The following RTN4RL1 variants were observed in gnomAD, a reference collection of about 807,000 sequenced individuals.
RTN4RL1 encodes reticulon-4 receptor-like 1.
In RTN4RL1, 7 loss-of-function variants were observed where a neutral mutation model predicts 25.6. That is an observed-to-expected ratio of 0.27 (90% CI 0.16 to 0.51). The LOEUF (loss-of-function observed/expected upper bound fraction) is 0.51, where lower values mean the gene tolerates loss of function less well. RTN4RL1 is among the 20% of genes least tolerant of loss of function. The probability of loss-of-function intolerance (pLI) is 0.97; values close to 1 mark genes in which losing one functional copy is unlikely to be tolerated. For synonymous variants in RTN4RL1, 297 were observed against 288.2 expected (o/e 1.03, Z -0.31); for missense variants, 500 against 615.6 (o/e 0.81, Z 1.99).
chr17:1,976,026 C>G (rs1219053045), intron 1 of RTN4RL1, among the ~76,000 whole-genome samples: 1 of 152,202 alleles, frequency 6.6e-6, no homozygotes, highest in Admixed American at 6.5e-5. Context: ...AGCACTCACT[C>G]AAAATGCCTT....
At chr17:1,960,774 T>G (rs563726757) in intron 1 of RTN4RL1, among the ~76,000 whole-genome samples, 1 of 152,214 alleles carries the variant, frequency 6.6e-6, no homozygotes, top group South Asian at 2.1e-4. Flanking sequence ...ATTGGCCTCT[T>G]CTGGATATTT....
At chr17:1,992,969 G>A (rs925754814) in intron 1 of RTN4RL1, among the ~76,000 whole-genome samples, 1 of 152,138 alleles carries the variant, frequency 6.6e-6, no homozygotes, top group Admixed American at 6.5e-5. Flanking sequence ...AGGGCCGGGC[G>A]CGGTGGCTCC....
chr17:1,980,372 GAT>G (rs1195671795), intron 1 of RTN4RL1, among the ~76,000 whole-genome samples: 1 of 151,812 alleles, frequency 6.6e-6, no homozygotes, highest in East Asian at 1.9e-4. Context: ...TGCCTGGCCT[GAT>G]ATGTTTTCTT....
intron 1 of RTN4RL1, among the ~76,000 whole-genome samples, chr17:1,963,857 G>C (rs144918291): frequency 1.3e-5 from 2 of 152,096 alleles, no homozygotes; most frequent in Non-Finnish European, 2.9e-5. Context: ...TCAGGCTCCC[G>C]AGTAGCTGGG....
intron 1 of RTN4RL1, among the ~76,000 whole-genome samples, chr17:1,995,898 C>T (rs965348682): frequency 7.9e-5 from 12 of 152,344 alleles, no homozygotes; most frequent in East Asian, 1.9e-4. Flanking sequence ...GCAGAGCCAG[C>T]GTCTCCCCTG....
At chr17:1,963,205 C>G (rs2066773846) in intron 1 of RTN4RL1, among the ~76,000 whole-genome samples, 1 of 152,172 alleles carries the variant, frequency 6.6e-6, no homozygotes, top group Non-Finnish European at 1.5e-5. Context: ...ATTGGCCCTC[C>G]CCAGCCTCAT....
intron 1 of RTN4RL1, among the ~76,000 whole-genome samples, chr17:1,976,128 G>A (rs901409384): frequency 6.6e-6 from 1 of 152,210 alleles, no homozygotes; most frequent in Non-Finnish European, 1.5e-5. Flanking sequence ...AGTGAGAAAG[G>A]CAGTCACTCA....
intron 1 of RTN4RL1, among the ~76,000 whole-genome samples, chr17:1,955,748 G>A (rs906491538): frequency 2.0e-5 from 3 of 151,332 alleles, no homozygotes; most frequent in African/African-American, 4.8e-5. Flanking sequence ...CATGCCCGGC[G>A]AATTTTTGTA....
chr17:1,954,639 C>T (rs912560360), intron 1 of RTN4RL1, among the ~76,000 whole-genome samples: 6 of 152,064 alleles, frequency 3.9e-5, no homozygotes, highest in Admixed American at 6.6e-5. Context: ...CCACCCGCCT[C>T]GGCCTCCCAA....
At chr17:1,947,751 G>GTC (rs1007297612) in intron 1 of RTN4RL1, among the ~76,000 whole-genome samples, 1 of 152,102 alleles carries the variant, frequency 6.6e-6, no homozygotes, top group African/African-American at 2.4e-5. Flanking sequence ...TGCTGTGAAG[G>GTC]TCTCGCATGG....
chr17:1,973,996 G>A (rs9911491), intron 1 of RTN4RL1, among the ~76,000 whole-genome samples: 14,491 of 135,732 alleles, frequency 0.11, 968 homozygotes, highest in African/African-American at 0.19. Flanking sequence ...CCGAGATTGC[G>A]CCACTGCACT....
chr17:2,003,330 C>T (rs149940480), intron 1 of RTN4RL1: 2,613 of 152,168 alleles, frequency 0.017, 27 homozygotes, highest in Non-Finnish European at 0.028. Flanking sequence ...GAGGGATCTA[C>T]GGTGAGGAGA....
chr17:1,995,771 C>A (rs897984150), intron 1 of RTN4RL1: 2 of 152,282 alleles, frequency 1.3e-5, no homozygotes, highest in African/African-American at 2.4e-5. Flanking sequence ...GTCTAATGTG[C>A]AACTGGTGAG....
intron 1 of RTN4RL1, among the ~76,000 whole-genome samples, chr17:1,962,970 C>T (rs1173500194): frequency 2.0e-5 from 3 of 151,478 alleles, no homozygotes; most frequent in Non-Finnish European, 4.4e-5. Context: ...CAGGGTCTCA[C>T]TCAGTTGCCC....
chr17:1,991,147 T>C (rs1346689075), intron 1 of RTN4RL1, among the ~76,000 whole-genome samples: 1 of 152,218 alleles, frequency 6.6e-6, no homozygotes, highest in African/African-American at 2.4e-5. Flanking sequence ...GATTTCTGTC[T>C]GTTCTATAAG....
intron 1 of RTN4RL1, among the ~76,000 whole-genome samples, chr17:1,942,454 G>A (rs1915459441): frequency 6.6e-6 from 1 of 152,122 alleles, no homozygotes; most frequent in African/African-American, 2.4e-5. Flanking sequence ...GTCTGGCCAG[G>A]TGCTGGGGCC....
At chr17:1,956,886 G>A (rs1915804883) in intron 1 of RTN4RL1, among the ~76,000 whole-genome samples, 1 of 152,036 alleles carries the variant, frequency 6.6e-6, no homozygotes, top group Non-Finnish European at 1.5e-5. Context: ...TGGGATTACA[G>A]GCGTCCACCA....
chr17:1,974,997 T>A (rs1485437836), intron 1 of RTN4RL1, among the ~76,000 whole-genome samples: 1 of 152,180 alleles, frequency 6.6e-6, no homozygotes, highest in Non-Finnish European at 1.5e-5. Context: ...TCCACTACCA[T>A]CTTTCCATGG....
chr17:1,992,393 A>G (rs77774974), intron 1 of RTN4RL1, among the ~76,000 whole-genome samples: 12,536 of 151,864 alleles, frequency 0.083, 750 homozygotes, highest in Admixed American at 0.19. Flanking sequence ...ACGAAAAAAG[A>G]AAAAGAGTCC....
Sources: gnomAD v4.1 joint callset for allele counts (sites outside exome capture counted in the v4.1 genomes callset) on GRCh38, gnomAD v4.1.1 for gene constraint, MANE v1.5 for transcripts, NCBI Gene and HGNC (gene_info 2026-07-23, HGNC 2026-07-21) for gene names.